The following CRYBG3 variants were observed in gnomAD, a reference collection of about 807,000 sequenced individuals.
The protein encoded by CRYBG3 is crystallin beta-gamma domain containing 3.
A neutral mutation model predicts 244.2 loss-of-function variants in CRYBG3; 127 were observed. That is an observed-to-expected ratio of 0.52 (90% CI 0.45 to 0.60). The LOEUF is 0.60. Among genes scored for constraint, CRYBG3 ranks in the 20% least tolerant of loss-of-function variants. The pLI, the probability that CRYBG3 is intolerant of heterozygous loss-of-function variation, is 0.00. For synonymous variants in CRYBG3, 1,132 were observed against 1,195.8 expected, an observed-to-expected ratio of 0.95 and a Z score of 1.10; for missense variants, 3,325 against 3,442.5, an observed-to-expected ratio of 0.97 and a Z score of 0.85.
At chr3:97,927,647 T>G (rs1334244150) in intron 17 of CRYBG3, among the ~76,000 whole-genome samples, 1 of 151,976 alleles carries the variant, frequency 6.6e-6, no homozygotes, top group Non-Finnish European at 1.5e-5. Context: ...GGAGAAGATA[T>G]TCACAAACTA....
intron 9 of CRYBG3, 67 bp downstream of exon 9, chr3:97,888,522 G>C (rs1311048020): frequency 9.5e-7 from 1 of 1,055,362 alleles, no homozygotes; most frequent in Admixed American, 1.8e-5. Flanking sequence ...AAATAACCAT[G>C]ATGTTTGCTC....
intron 3 of CRYBG3, among the ~76,000 whole-genome samples, chr3:97,871,485 G>T (rs1486442464): frequency 6.6e-6 from 1 of 152,106 alleles, no homozygotes; most frequent in Non-Finnish European, 1.5e-5. Flanking sequence ...GTAATATGAG[G>T]CCCAAAGTCA....
chr3:97,888,122 A>G (rs1413436738), intron 8 of CRYBG3, among the ~76,000 whole-genome samples: 1 of 152,222 alleles, frequency 6.6e-6, no homozygotes. Context: ...CAGACTTATT[A>G]TAGGACAGAT....
At chr3:97,915,527 A>G (rs1408396776) in intron 16 of CRYBG3, 83 bp from the exon 17 acceptor site, 1 of 1,449,326 alleles carries the variant, frequency 6.9e-7, no homozygotes, top group Non-Finnish European at 9.4e-7. Flanking sequence ...CCCTACCCCT[A>G]CCCCAATTCC....
chr3:97,874,945 G>T lies in CRYBG3; in HGVS notation c.3751G>T (p.Val1251Leu). 6.5e-7 allele frequency: 1 copy of T among 1,535,936 alleles called. No homozygotes were observed. Among genetic ancestry groups the T allele is most frequent in the Non-Finnish European group, 8.7e-7 (1 of 1,146,832 alleles). The change falls in exon 4 of 22, where the codon GTG becomes TTG. Residue 1251 changes from valine to leucine, a missense_variant. Physicochemically the swap from Val to Leu is conservative, Grantham distance 32. Transcript: ENST00000389622. ...CATCTCTGAGAAAAACCCATCAGAA[G>T]TGACACTAACAGAAATACAACAGAC... ...EDISEKNPSE[V>L]TLTEIQQTEG... is the part of the protein sequence containing the mutation.
intron 3 of CRYBG3, among the ~76,000 whole-genome samples, chr3:97,865,071 G>A (rs1341875474): frequency 6.6e-6 from 1 of 152,090 alleles, no homozygotes; most frequent in Non-Finnish European, 1.5e-5. Context: ...CATGAAACTA[G>A]CTTTATGAAT....
chr3:97,879,985 A>T lies in CRYBG3; in HGVS notation c.6889A>T (p.Met2297Leu), dbSNP rs917005792. ...CTTACTGCTATTTACTGTGTTGCAG[A>T]TGGTTATCTATGATCTCCATGAAAG... Reference protein sequence around the residue: ...TLRCNPRPGKMVIYDLHESTY... With the variant: ...TLRCNPRPGKLVIYDLHESTY... The change falls in exon 6 of 22, where the codon ATG (methionine) becomes TTG (leucine). Residue 2297 changes from methionine to leucine, a missense_variant and splice_region_variant. This residue lies in a region of CRYBG3 where 714 missense variants were observed against 803.6 expected (regional missense o/e 0.89). Transcript: ENST00000389622. 1 of 1,438,372 alleles carries T rather than the reference A, an allele frequency of 7.0e-7. No homozygotes were observed. Among genetic ancestry groups the T allele is most frequent in the African/African-American group, 1.4e-5 (1 of 71,066 alleles). 89.1% of individuals were successfully genotyped at this position (1,438,372 alleles called of 1,614,324 possible).
At position 97,874,655 on chromosome 3, in the gene CRYBG3, CTG is replaced by C; in HGVS notation, c.3462_3463del (p.Gly1155SerfsTer10). On this transcript the variant is annotated frameshift_variant, in exon 4 of 22. Transcript: ENST00000389622. LOFTEE classifies it high-confidence loss of function. The stretch of plus-strand genomic sequence containing the variant: ...TTTGACAATCTCGTGGAAGCAGAGA[CTG>C]GAGCAGTTGCTGGGCCTGCAGCGTC... 1 of 1,536,054 alleles carries C rather than the reference CTG, an allele frequency of 6.5e-7. No homozygotes were observed. The highest frequency in any genetic ancestry group is 8.7e-7 in the Non-Finnish European group (1 of 1,146,852).
intron 16 of CRYBG3, among the ~76,000 whole-genome samples, chr3:97,915,255 A>G (rs563224549): frequency 6.6e-6 from 1 of 152,172 alleles, no homozygotes; most frequent in Non-Finnish European, 1.5e-5. Flanking sequence ...ACATTGTCTT[A>G]TTTCAAATTT....
At chr3:97,849,266 A>G (rs1252806919) in intron 2 of CRYBG3, among the ~76,000 whole-genome samples, 1 of 152,196 alleles carries the variant, frequency 6.6e-6, no homozygotes, top group Non-Finnish European at 1.5e-5. Flanking sequence ...AAAACTTAGA[A>G]ATACTGTGAA....
intron 14 of CRYBG3, among the ~76,000 whole-genome samples, chr3:97,899,859 A>C (rs1039810213): frequency 6.6e-6 from 1 of 152,148 alleles, no homozygotes; most frequent in Non-Finnish European, 1.5e-5. Flanking sequence ...GTAGAACAAT[A>C]AGAGTGCCCA....
chr3:97,863,594 T>C (rs1341883403), intron 2 of CRYBG3, among the ~76,000 whole-genome samples: 1 of 152,112 alleles, frequency 6.6e-6, no homozygotes, highest in African/African-American at 2.4e-5. Flanking sequence ...TCTTGAATAA[T>C]GTTTCATATT....
chr3:97,923,130 T>C (rs930576720), intron 17 of CRYBG3, among the ~76,000 whole-genome samples: 24 of 151,978 alleles, frequency 1.6e-4, no homozygotes, highest in African/African-American at 4.3e-4. Flanking sequence ...TAGGTGGGAA[T>C]TGAACAATGA....
At chr3:97,885,507 C>T (rs2039497513) in intron 7 of CRYBG3, among the ~76,000 whole-genome samples, 3 of 152,174 alleles carry the variant, frequency 2.0e-5, no homozygotes, top group South Asian at 4.2e-4. Context: ...TGTGTTAAGA[C>T]AGAAATGTAC....
chr3:97,880,166 G>C, intron 6 of CRYBG3, 66 bp downstream of exon 6: 1 of 799,940 alleles, frequency 1.3e-6, no homozygotes, highest in East Asian at 2.7e-5. Flanking sequence ...TGCTGTTAAT[G>C]CTTTTTTTTC....
chr3:97,863,421 C>T (rs2039179331), intron 2 of CRYBG3, among the ~76,000 whole-genome samples: 1 of 152,158 alleles, frequency 6.6e-6, no homozygotes, highest in Non-Finnish European at 1.5e-5. Flanking sequence ...TAACTATGAG[C>T]AGGCAAAATG....
At chr3:97,938,504 C>CTAA (rs775277232) in intron 19 of CRYBG3, among the ~76,000 whole-genome samples, 3 of 151,896 alleles carry the variant, frequency 2.0e-5, no homozygotes, top group Non-Finnish European at 4.4e-5. Flanking sequence ...AAATATTAAC[C>CTAA]TAATTGGTCT....
intron 10 of CRYBG3, among the ~76,000 whole-genome samples, chr3:97,889,872 C>G (rs1399996974): frequency 6.6e-6 from 1 of 152,014 alleles, no homozygotes; most frequent in Admixed American, 6.6e-5. Flanking sequence ...AAATGGGTAG[C>G]AGTGGTGCCA....
At chr3:97,857,225 CA>C (rs1005072606) in intron 2 of CRYBG3, among the ~76,000 whole-genome samples, 7 of 151,832 alleles carry the variant, frequency 4.6e-5, no homozygotes, top group Admixed American at 3.3e-4. Flanking sequence ...CCATTGTGGT[CA>C]AAAAAATACT....
Sources: gnomAD v4.1 joint callset for allele counts (sites outside exome capture counted in the v4.1 genomes callset) on GRCh38, gnomAD v4.1.1 for gene constraint, gnomAD v4.1.1 regional missense constraint, MANE v1.5 for transcripts, NCBI Gene and HGNC (gene_info 2026-07-23, HGNC 2026-07-21) for gene names.